PHC3: variants seen among roughly 807,000 people sequenced by gnomAD.
The protein encoded by PHC3 is polyhomeotic homolog 3.
PHC3 carries 13 observed loss-of-function variants against 107.4 expected under a neutral mutation model. That is an observed-to-expected ratio of 0.12 (90% CI 0.08 to 0.19). The LOEUF is 0.19. Ranked by LOEUF, PHC3 falls within the 10% of genes least tolerant of loss-of-function variation. The probability of loss-of-function intolerance (pLI) is 1.00; values close to 1 mark genes in which losing one functional copy is unlikely to be tolerated. For synonymous variants in PHC3, 456 were observed against 427.4 expected, an observed-to-expected ratio of 1.07 and a Z score of -0.83; for missense variants, 992 against 1,210.9, an observed-to-expected ratio of 0.82 and a Z score of 2.68.
Position 170,136,495 on chromosome 3 carries a change from TTTC to T in PHC3, c.840_842del (p.Lys281del), listed in dbSNP as rs779455947. 1 of 1,606,832 alleles carries T rather than the reference TTTC, an allele frequency of 6.2e-7. No individual in the cohort carries two copies. Among genetic ancestry groups the T allele is most frequent in the Non-Finnish European group, 8.5e-7 (1 of 1,176,922 alleles). ...GTGATTCCAGGCTTGGGCTCTCTCC[TTTC>T]TTATTACTTTCTGGAGAAGGATCTC... On this transcript the variant is annotated inframe_deletion, in exon 7 of 15. Coordinates refer to ENST00000495893, the MANE Select transcript of PHC3 (RefSeq NM_024947.4).
At chr3:170,181,548 G>C (rs904692192) in intron 1 of PHC3, 154 bp downstream of exon 1, 1 of 1,099,798 alleles carries the variant, frequency 9.1e-7, no homozygotes, top group Non-Finnish European at 1.3e-6. Flanking sequence ...CCCGCGACAC[G>C]GGCCTAGCCG....
At chr3:170,111,418 AAAG>A (rs986566172) in intron 11 of PHC3, among the ~76,000 whole-genome samples, 2 of 151,652 alleles carry the variant, frequency 1.3e-5, no homozygotes, top group Admixed American at 1.3e-4. Flanking sequence ...GGAAGGAAGG[AAAG>A]AAGGAAGGAG....
At chr3:170,119,036 T>TAAAAAAAAAAAAAAAAAAGAAAA (rs1719624702) in intron 9 of PHC3, among the ~76,000 whole-genome samples, 1 of 72,670 alleles carries the variant, frequency 1.4e-5, no homozygotes, top group Non-Finnish European at 2.9e-5. Flanking sequence ...TATAAAAAGC[T>TAAAAAAAAAAAAAAAAAAGAAAA]AAAAAAAAAA....
chr3:170,125,555 T>C (rs1185596321), intron 8 of PHC3, among the ~76,000 whole-genome samples: 3 of 152,236 alleles, frequency 2.0e-5, no homozygotes, highest in Non-Finnish European at 4.4e-5. Flanking sequence ...TGCTAGAGTA[T>C]CTTTTAAGAA....
intron 5 of PHC3, chr3:170,147,284 C>G (rs975169987): frequency 2.0e-5 from 3 of 152,142 alleles, no homozygotes; most frequent in Non-Finnish European, 4.4e-5. Context: ...AAAATTGTAT[C>G]AAGGGTTATT....
At chr3:170,128,556 C>A in intron 8 of PHC3, 128 bp downstream of exon 8, 2 of 1,252,202 alleles carry the variant, frequency 1.6e-6, no homozygotes, top group Non-Finnish European at 2.1e-6. Context: ...TGTCAGAATA[C>A]TGACACATGG....
intron 10 of PHC3, among the ~76,000 whole-genome samples, chr3:170,116,559 T>A (rs1182135671): frequency 5.3e-5 from 8 of 150,164 alleles, no homozygotes; most frequent in Non-Finnish European, 1.5e-5. Flanking sequence ...AGAGCGAGAC[T>A]CTCTCTCAAA....
intron 9 of PHC3, among the ~76,000 whole-genome samples, chr3:170,118,389 G>A (rs1414789263): frequency 6.6e-6 from 1 of 152,144 alleles, no homozygotes; most frequent in Admixed American, 6.5e-5. Context: ...GGGACCACAG[G>A]TGTGTGCCAC....
intron 9 of PHC3, among the ~76,000 whole-genome samples, chr3:170,118,982 C>A (rs1456772061): frequency 6.7e-6 from 1 of 148,184 alleles, no homozygotes; most frequent in Non-Finnish European, 1.5e-5. Flanking sequence ...CCAAAATAAA[C>A]CGTACTGGAA....
chr3:170,128,873 C>G lies in PHC3; in HGVS notation c.1599G>C (p.Met533Ile). 1 of 1,614,010 alleles carries G rather than the reference C, an allele frequency of 6.2e-7. No individual in the cohort carries two copies. The highest frequency in any genetic ancestry group is 8.5e-7 in the Non-Finnish European group (1 of 1,179,878). The change falls in exon 8 of 15, where the codon ATG (methionine) becomes ATC (isoleucine). Residue 533 changes from methionine (M) to isoleucine (I), a missense_variant. Physicochemically the swap from Met to Ile is conservative, Grantham distance 10. Coordinates refer to ENST00000495893, the MANE Select transcript of PHC3 (RefSeq NM_024947.4). ...TTTCAGGCTGCACTTGTAAAGACTG[C>G]ATAGACTGCAAGGGCAGTGGTGGAA... ...AQIPPLPLQS[M>I]QSLQVQPEIL...
chr3:170,160,471 T>G (rs183334753), intron 4 of PHC3, among the ~76,000 whole-genome samples: 1 of 152,346 alleles, frequency 6.6e-6, no homozygotes, highest in Admixed American at 6.5e-5. Flanking sequence ...AGCACAATGT[T>G]GGACAATACA....
chr3:170,162,296 T>C (rs10936614), intron 4 of PHC3, among the ~76,000 whole-genome samples: 69,979 of 151,892 alleles, frequency 0.46, 16,444 homozygotes, highest in East Asian at 0.69. Flanking sequence ...TCCAAACTCA[T>C]ATAACCAATG....
At chr3:170,120,384 G>A (rs933867074) in intron 9 of PHC3, among the ~76,000 whole-genome samples, 3 of 151,924 alleles carry the variant, frequency 2.0e-5, no homozygotes, top group South Asian at 2.1e-4. Context: ...TCAAGAGTTC[G>A]AGACCCACCT....
At chr3:170,169,372 C>T (rs1363270629) in intron 4 of PHC3, among the ~76,000 whole-genome samples, 5 of 152,168 alleles carry the variant, frequency 3.3e-5, no homozygotes, top group Non-Finnish European at 5.9e-5. Context: ...ATTATCATCA[C>T]TACTTAAGAG....
Position 170,090,699 on chromosome 3 carries a change from G to A in PHC3, c.*6531C>T, listed in dbSNP as rs915824193. On this transcript the variant is annotated 3_prime_UTR_variant, in exon 15 of 15. Transcript: ENST00000495893. ...TTTTAGAGCTGGGAGGTACCTTAAAGATGAATTAAACCAAAATCAACTTTT... is the reference window on the plus strand; with the variant it reads ...TTTTAGAGCTGGGAGGTACCTTAAAAATGAATTAAACCAAAATCAACTTTT... 2 of 152,112 alleles carry A rather than the reference G, an allele frequency of 1.3e-5. No individual in the cohort carries two copies. Among genetic ancestry groups the A allele is most frequent in the Admixed American group, 1.3e-4 (2 of 15,276 alleles). 9.4% of individuals were successfully genotyped at this position (152,112 alleles called of 1,614,324 possible).
chr3:170,171,839 G>A (rs1384865029), intron 3 of PHC3, among the ~76,000 whole-genome samples: 2 of 152,142 alleles, frequency 1.3e-5, no homozygotes, highest in East Asian at 1.9e-4. Flanking sequence ...ACACTACTAA[G>A]AAGCAACAGC....
At chr3:170,132,244 AC>A (rs1408445641) in intron 7 of PHC3, among the ~76,000 whole-genome samples, 2 of 152,184 alleles carry the variant, frequency 1.3e-5, no homozygotes, top group Non-Finnish European at 2.9e-5. Context: ...AACTACAACA[AC>A]CCCATGAAGG....
At chr3:170,105,162 A>T (rs1716241365) in intron 12 of PHC3, among the ~76,000 whole-genome samples, 1 of 152,248 alleles carries the variant, frequency 6.6e-6, no homozygotes, top group South Asian at 2.1e-4. Context: ...TAAATAGTCA[A>T]GAAGTTTAAA....
intron 6 of PHC3, among the ~76,000 whole-genome samples, chr3:170,137,951 C>T (rs949161418): frequency 6.6e-6 from 1 of 152,158 alleles, no homozygotes; most frequent in African/African-American, 2.4e-5. Context: ...CCTGTAATCC[C>T]AGCATTTTGG....
Sources: allele counts gnomAD v4.1 joint callset (sites outside exome capture counted in the v4.1 genomes callset), GRCh38; gene constraint gnomAD v4.1.1; transcripts MANE v1.5; gene names NCBI Gene and HGNC (gene_info 2026-07-23, HGNC 2026-07-21).